The following MEF2A variants were observed in gnomAD, a reference collection of about 807,000 sequenced individuals.
MEF2A encodes myocyte enhancer factor 2A.
A neutral mutation model predicts 55.8 loss-of-function variants in MEF2A; 28 were observed. The ratio of observed to expected loss-of-function variants is 0.50; its 90% CI spans 0.37 to 0.69. The LOEUF (loss-of-function observed/expected upper bound fraction) is 0.69, where lower values mean the gene tolerates loss of function less well. Among genes scored for constraint, MEF2A ranks in the 30% least tolerant of loss-of-function variants. MEF2A has a pLI of 0.00. For missense variants in MEF2A, 528 were observed against 626.2 expected (o/e 0.84, Z 1.67); for synonymous variants, 239 against 227.1 (o/e 1.05, Z -0.47).
chr15:99,655,499 A>AG (rs888737215), intron 4 of MEF2A, among the ~76,000 whole-genome samples: 1 of 152,110 alleles, frequency 6.6e-6, no homozygotes, highest in Non-Finnish European at 1.5e-5. Flanking sequence ...CAGCCTTTAG[A>AG]GGGGTGTTTA....
intron 2 of MEF2A, among the ~76,000 whole-genome samples, chr15:99,629,939 C>CAA (rs879281513): frequency 7.0e-6 from 1 of 142,342 alleles, no homozygotes; most frequent in African/African-American, 2.6e-5. Flanking sequence ...GTCTCTGTCT[C>CAA]AAAAAAAAAA....
intron 3 of MEF2A, among the ~76,000 whole-genome samples, chr15:99,645,045 A>G (rs2045724097): frequency 6.6e-6 from 1 of 152,196 alleles, no homozygotes; most frequent in Non-Finnish European, 1.5e-5. Flanking sequence ...GGTTTCAGTT[A>G]AAGAAAGAAA....
chr15:99,706,430 G>C (rs538154830), intron 9 of MEF2A, among the ~76,000 whole-genome samples: 1 of 152,330 alleles, frequency 6.6e-6, no homozygotes, highest in Middle Eastern at 3.4e-3. Flanking sequence ...ATTTGTAGTG[G>C]CATCAAGTCC....
chr15:99,573,433 A>G (rs1028014889), intron 1 of MEF2A, among the ~76,000 whole-genome samples: 2 of 152,244 alleles, frequency 1.3e-5, no homozygotes, highest in African/African-American at 4.8e-5. Flanking sequence ...ACATACGGTC[A>G]TTATTCTAAG....
intron 3 of MEF2A, among the ~76,000 whole-genome samples, chr15:99,637,260 T>C (rs2044047348): frequency 6.6e-6 from 1 of 152,204 alleles, no homozygotes; most frequent in Non-Finnish European, 1.5e-5. Flanking sequence ...TGTAGGGATC[T>C]ATTTAGGGAG....
At chr15:99,662,326 A>G (rs1265676976) in intron 4 of MEF2A, among the ~76,000 whole-genome samples, 1 of 152,130 alleles carries the variant, frequency 6.6e-6, no homozygotes, top group Admixed American at 6.5e-5. Flanking sequence ...AATTGTTTTT[A>G]TGTGTTGTCA....
At chr15:99,709,495 C>G (rs325404) in intron 10 of MEF2A, among the ~76,000 whole-genome samples, 100,872 of 152,166 alleles carry the variant, frequency 0.66, 36,725 homozygotes, top group Middle Eastern at 0.86. Flanking sequence ...GTCCTTGCCC[C>G]AGCCCATGGG....
chr15:99,671,682 C>T, intron 5 of MEF2A: 8 of 1,537,542 alleles, frequency 5.2e-6, no homozygotes, highest in Non-Finnish European at 6.1e-6. Context: ...ATGGTTTGTG[C>T]TTTTATCTTG....
rs545798937 is a variant in MEF2A at position 99,697,042 on chromosome 15, C to T, written c.859-6320C>T. Among the ~76,000 whole-genome samples, 6 of 111,978 alleles carry T rather than the reference C, an allele frequency of 5.4e-5. No individual in the cohort carries two copies. In the South Asian group the frequency reaches 2.2e-3, roughly 42 times the overall value. The allele number at this position is 111,978 out of a possible 152,430, so 73.5% of individuals were successfully genotyped here. On this transcript the variant is annotated intron_variant, in intron 8 of 11. Coordinates refer to ENST00000557942, the MANE Select transcript of MEF2A (RefSeq NM_001319206.4). ...AATCAGTATATTAACAATTGAACAT[C>T]TATTCATCATTTAAAAAAAAAAATC...
intron 4 of MEF2A, among the ~76,000 whole-genome samples, chr15:99,649,089 T>C (rs1223716031): frequency 6.6e-6 from 1 of 152,192 alleles, no homozygotes; most frequent in Non-Finnish European, 1.5e-5. Flanking sequence ...AAAATTTTAA[T>C]CAATTTTTTA....
intron 8 of MEF2A, among the ~76,000 whole-genome samples, chr15:99,701,004 C>T (rs1035058173): frequency 6.6e-6 from 1 of 151,952 alleles, no homozygotes; most frequent in African/African-American, 2.4e-5. Flanking sequence ...ATTAGAACAC[C>T]ACAGTACAAT....
intron 4 of MEF2A, among the ~76,000 whole-genome samples, chr15:99,654,010 CT>C (rs1264764159): frequency 6.6e-6 from 1 of 151,886 alleles, no homozygotes; most frequent in Non-Finnish European, 1.5e-5. Context: ...CATTAGCTTG[CT>C]TTTTTTGCGC....
intron 1 of MEF2A, among the ~76,000 whole-genome samples, chr15:99,573,951 A>G (rs1258277004): frequency 2.0e-5 from 3 of 152,222 alleles, no homozygotes; most frequent in Non-Finnish European, 2.9e-5. Context: ...TTACGAAGAG[A>G]AAGGGAGAGA....
chr15:99,694,343 T>C (rs953214784), intron 8 of MEF2A, among the ~76,000 whole-genome samples: 4 of 152,240 alleles, frequency 2.6e-5, no homozygotes, highest in African/African-American at 9.6e-5. Context: ...CTACATTTAT[T>C]ATCCCTTATC....
At chr15:99,588,397 G>A (rs1335728555) in intron 1 of MEF2A, among the ~76,000 whole-genome samples, 1 of 151,964 alleles carries the variant, frequency 6.6e-6, no homozygotes, top group African/African-American at 2.4e-5. Context: ...TGCTTCCTGG[G>A]TTCAAGCAAT....
chr15:99,602,032 G>A (rs1973261150), intron 2 of MEF2A, among the ~76,000 whole-genome samples: 1 of 152,140 alleles, frequency 6.6e-6, no homozygotes, highest in Non-Finnish European at 1.5e-5. Flanking sequence ...ATCTGCATGG[G>A]TCTACGGCAA....
chr15:99,660,458 A>T (rs1284730598), intron 4 of MEF2A, among the ~76,000 whole-genome samples: 1 of 152,106 alleles, frequency 6.6e-6, no homozygotes, highest in Non-Finnish European at 1.5e-5. Context: ...GACCAGTAAG[A>T]TACTTCCCAC....
intron 2 of MEF2A, among the ~76,000 whole-genome samples, chr15:99,611,008 G>A (rs1029438332): frequency 2.6e-5 from 4 of 152,236 alleles, no homozygotes; most frequent in African/African-American, 9.6e-5. Context: ...TCGGGAGGCC[G>A]AGGTGGGTGG....
intron 1 of MEF2A, among the ~76,000 whole-genome samples, chr15:99,585,959 AGT>A (rs1442920089): frequency 1.3e-5 from 2 of 152,098 alleles, no homozygotes; most frequent in Non-Finnish European, 2.9e-5. Flanking sequence ...GGTATTCTCT[AGT>A]GTCTGGCTTT....
Sources: allele counts gnomAD v4.1 joint callset (sites outside exome capture counted in the v4.1 genomes callset), GRCh38; gene constraint gnomAD v4.1.1; transcripts MANE v1.5; gene names NCBI Gene and HGNC (gene_info 2026-07-23, HGNC 2026-07-21).